Variants in EPS15L1 observed in about 807,000 individuals in gnomAD.
EPS15L1 encodes epidermal growth factor receptor substrate 15-like 1.
A neutral mutation model predicts 117.1 loss-of-function variants in EPS15L1; 43 were observed. The ratio of observed to expected loss-of-function variants is 0.37; its 90% CI spans 0.29 to 0.47. The LOEUF is 0.47. EPS15L1 is among the 20% of genes least tolerant of loss of function. The pLI is 0.99. For synonymous variants in EPS15L1, 459 were observed against 470.5 expected, an observed-to-expected ratio of 0.98 and a Z score of 0.32; for missense variants, 981 against 1,164.0, an observed-to-expected ratio of 0.84 and a Z score of 2.29.
At chr19:16,464,773 T>TAAC (rs1568473532) in intron 1 of EPS15L1, among the ~76,000 whole-genome samples, 6 of 82,988 alleles carry the variant, frequency 7.2e-5, no homozygotes, top group Non-Finnish European at 1.6e-4. Flanking sequence ...CTAACACTAA[T>TAAC]GATAGCTGAT....
At chr19:16,442,137 C>T (rs2093038171) in intron 2 of EPS15L1, 41 bp downstream of exon 2, 1 of 1,582,424 alleles carries the variant, frequency 6.3e-7, no homozygotes, top group Non-Finnish European at 8.7e-7. Context: ...TCAGCTCAGG[C>T]ATGCTCTAGT....
rs532805096 is a variant in EPS15L1 at position 16,381,629 on chromosome 19, T to C, written c.2247+3500A>G. ...GATCACACCAAGTACGAAGCTGCGATTGGAATCTGGGAGTGCCCCCATCTG... is the reference window on the plus strand; with the variant it reads ...GATCACACCAAGTACGAAGCTGCGACTGGAATCTGGGAGTGCCCCCATCTG... On this transcript the variant is annotated intron_variant, in intron 21 of 23. Transcript: ENST00000455140. This position sits in a 1 kb window ranked among gnomAD's most constrained non-coding sequence, Gnocchi z 4.2. Among the ~76,000 whole-genome samples, 28 of 152,290 alleles carry C rather than the reference T, an allele frequency of 1.8e-4. No individual in the cohort carries two copies. Among genetic ancestry groups the C allele is most frequent in the East Asian group, 1.5e-3 (8 of 5,186 alleles).
chr19:16,469,825 G>A (rs931743886), intron 1 of EPS15L1, among the ~76,000 whole-genome samples: 2 of 152,054 alleles, frequency 1.3e-5, no homozygotes, highest in African/African-American at 2.4e-5. Context: ...CTGCTGCAGG[G>A]TGCTTCCCTT....
chr19:16,360,670 C>G (rs2092039010), intron 23 of EPS15L1, among the ~76,000 whole-genome samples: 1 of 152,110 alleles, frequency 6.6e-6, no homozygotes, highest in Non-Finnish European at 1.5e-5. Flanking sequence ...TCGCTTGAGC[C>G]CAGGAATTCG....
At chr19:16,413,951 G>T in intron 12 of EPS15L1, 106 bp from the exon 13 acceptor site, 1 of 814,918 alleles carries the variant, frequency 1.2e-6, no homozygotes, top group Non-Finnish European at 2.0e-6. Flanking sequence ...CTGTGTGCTG[G>T]CAGAAGTCTA....
intron 1 of EPS15L1, among the ~76,000 whole-genome samples, chr19:16,463,968 A>C (rs977627323): frequency 6.6e-6 from 1 of 152,240 alleles, no homozygotes. Flanking sequence ...TGACAGAAAG[A>C]GGGGCCAGGG....
At chr19:16,420,019 C>G (rs758362663) in intron 10 of EPS15L1, among the ~76,000 whole-genome samples, 3 of 152,238 alleles carry the variant, frequency 2.0e-5, no homozygotes, top group African/African-American at 7.2e-5. Context: ...CTGACCCGTA[C>G]GGTGGCAGCC....
At chr19:16,452,486 G>A (rs1051452216) in intron 1 of EPS15L1, among the ~76,000 whole-genome samples, 9 of 151,256 alleles carry the variant, frequency 6.0e-5, no homozygotes, top group Non-Finnish European at 8.8e-5. Context: ...CAGGTGTAGT[G>A]GCACTCGCCT....
chr19:16,448,874 TAG>T (rs1430372853), intron 1 of EPS15L1, among the ~76,000 whole-genome samples: 5 of 150,952 alleles, frequency 3.3e-5, no homozygotes, highest in African/African-American at 7.3e-5. Flanking sequence ...AGCTACAGAC[TAG>T]AAAGAAAGGT....
rs1469634586 is a variant in EPS15L1 at position 16,381,937 on chromosome 19, T to A, written c.2247+3192A>T. Among the ~76,000 whole-genome samples, 1 of 152,130 alleles carries A rather than the reference T, an allele frequency of 6.6e-6. No individual in the cohort carries two copies. Among genetic ancestry groups the A allele is most frequent in the Non-Finnish European group, 1.5e-5 (1 of 68,010 alleles). ...GGCATGTGCTGGCTTCTGGGCCACATCTCCAGACTCGGAGTGGGGCCTCGG... is the reference window on the plus strand; with the variant it reads ...GGCATGTGCTGGCTTCTGGGCCACAACTCCAGACTCGGAGTGGGGCCTCGG... On this transcript the variant is annotated intron_variant, in intron 21 of 23. Transcript: ENST00000455140. The surrounding 1 kb of genome is among the most constrained non-coding windows in gnomAD (Gnocchi z 4.2).
chr19:16,426,213 G>A (rs2092871004), intron 8 of EPS15L1, among the ~76,000 whole-genome samples: 1 of 152,256 alleles, frequency 6.6e-6, no homozygotes, highest in South Asian at 2.1e-4. Context: ...GGAGGCCCAT[G>A]TGGGGCGGGT....
rs2092757073 is a variant in EPS15L1 at position 16,416,341 on chromosome 19, G to GCAAA, written c.1193+1210_1193+1211insTTTG. 3.9e-5 allele frequency among the ~76,000 whole-genome samples: 6 copies of GCAAA among 151,952 alleles called. 1 individual carries two copies. Among genetic ancestry groups the GCAAA allele is most frequent in the Admixed American group, 6.6e-5 (1 of 15,238 alleles). The stretch of plus-strand genomic sequence containing the variant: ...AGTCCACCCTGTCCTAGAATCGACT[G>GCAAA]GAAAAAAGATGCTGGCTGGCACAGT... On this transcript the variant is annotated intron_variant, in intron 12 of 23. Transcript: ENST00000455140.
intron 1 of EPS15L1, among the ~76,000 whole-genome samples, chr19:16,470,751 T>C (rs1417297338): frequency 1.3e-5 from 2 of 152,110 alleles, no homozygotes; most frequent in East Asian, 1.9e-4. Flanking sequence ...CAACTCTCTT[T>C]GGGTTTGGAA....
At chr19:16,439,277 G>A (rs2093007087) in intron 4 of EPS15L1, among the ~76,000 whole-genome samples, 4 of 152,002 alleles carry the variant, frequency 2.6e-5, no homozygotes, top group Admixed American at 2.6e-4. Flanking sequence ...TGCAAGGTCT[G>A]AGAAAAGAGA....
intron 1 of EPS15L1, among the ~76,000 whole-genome samples, chr19:16,459,713 C>G (rs1457749029): frequency 6.6e-6 from 1 of 152,072 alleles, no homozygotes; most frequent in African/African-American, 2.4e-5. Context: ...TATTACATCC[C>G]CTATTATGGT....
chr19:16,384,973 A>G (rs534469126), intron 21 of EPS15L1, among the ~76,000 whole-genome samples, 156 bp downstream of exon 21: 4 of 152,296 alleles, frequency 2.6e-5, no homozygotes, highest in African/African-American at 9.6e-5. Flanking sequence ...AGTGCATTGG[A>G]TCACAGCCAT....
intron 17 of EPS15L1, among the ~76,000 whole-genome samples, chr19:16,394,959 C>A (rs2092523918): frequency 6.6e-6 from 1 of 152,116 alleles, no homozygotes; most frequent in South Asian, 2.1e-4. Flanking sequence ...GTGCCTCACA[C>A]CTGTAATCCC....
At chr19:16,431,451 GTGC>G (rs1297441355) in intron 7 of EPS15L1, among the ~76,000 whole-genome samples, 7 of 151,464 alleles carry the variant, frequency 4.6e-5, no homozygotes, top group African/African-American at 1.7e-4. Context: ...CTACATGAGT[GTGC>G]CACCATGCCC....
At chr19:16,399,527 G>A (rs1331858521) in intron 16 of EPS15L1, among the ~76,000 whole-genome samples, 1 of 152,206 alleles carries the variant, frequency 6.6e-6, no homozygotes, top group Admixed American at 6.5e-5. Context: ...TTAGAGGAGT[G>A]CTGGGCAGCA....
Sources: gnomAD v4.1 joint callset for allele counts (sites outside exome capture counted in the v4.1 genomes callset) on GRCh38, gnomAD v4.1.1 for gene constraint, Gnocchi (gnomAD v3.1) non-coding constraint, MANE v1.5 for transcripts, NCBI Gene and HGNC (gene_info 2026-07-23, HGNC 2026-07-21) for gene names.